NSL1: variants seen among roughly 807,000 people sequenced by gnomAD.
NSL1 encodes the protein NSL1 component of MIS12 kinetochore complex.
A neutral mutation model predicts 25.4 loss-of-function variants in NSL1; 11 were observed. That is an observed-to-expected ratio of 0.43 (90% CI 0.27 to 0.72). The LOEUF (loss-of-function observed/expected upper bound fraction) is 0.72. NSL1 is among the 30% of genes least tolerant of loss of function. NSL1 has a pLI of 0.19. For missense variants in NSL1, 330 were observed against 342.7 expected, an observed-to-expected ratio of 0.96 and a Z score of 0.29; for synonymous variants, 118 against 120.6, an observed-to-expected ratio of 0.98 and a Z score of 0.14.
chr1:212,775,927 A>G (rs1194702001), intron 4 of NSL1, among the ~76,000 whole-genome samples: 1 of 151,858 alleles, frequency 6.6e-6, no homozygotes, highest in South Asian at 2.1e-4. Context: ...TCCCAGGTTC[A>G]CGCCATTCTT....
At chr1:212,741,376 TCCC>T (rs1216044013) in intron 4 of NSL1, among the ~76,000 whole-genome samples, 1 of 152,148 alleles carries the variant, frequency 6.6e-6, no homozygotes, top group East Asian at 1.9e-4. Context: ...TGGATCTGTG[TCCC>T]CACCCAATCT....
At chr1:212,777,132 T>C in intron 4 of NSL1, among the ~76,000 whole-genome samples, 2 of 151,684 alleles carry the variant, frequency 1.3e-5, no homozygotes, top group South Asian at 4.2e-4. Flanking sequence ...CTAGCACTTT[T>C]GGAGGCCAAG....
At chr1:212,778,726 A>G (rs1245431584) in intron 4 of NSL1, among the ~76,000 whole-genome samples, 12 of 151,988 alleles carry the variant, frequency 7.9e-5, no homozygotes, top group Admixed American at 7.9e-4. Flanking sequence ...GCTGGAGTGC[A>G]GTGGCGTGAT....
intron 4 of NSL1, among the ~76,000 whole-genome samples, chr1:212,750,208 C>A (rs1400697056): frequency 6.6e-6 from 1 of 151,470 alleles, no homozygotes; most frequent in Non-Finnish European, 1.5e-5. Context: ...CATGGAGGCA[C>A]AAAGGAGGGT....
chr1:212,739,029 C>G (rs1658372054), intron 5 of NSL1, among the ~76,000 whole-genome samples: 1 of 152,156 alleles, frequency 6.6e-6, no homozygotes, highest in South Asian at 2.1e-4. Context: ...TCCCAAAGTG[C>G]TTGGATTACA....
chr1:212,781,193 A>T lies in NSL1; in HGVS notation c.499+1179T>A, dbSNP rs532652997. 1.9e-4 allele frequency among the ~76,000 whole-genome samples: 29 copies of T among 152,358 alleles called. No individual in the cohort carries two copies. In the South Asian group the frequency reaches 6.0e-3, roughly 32 times the overall value. On this transcript the variant is annotated intron_variant, in intron 4 of 5. Transcript: ENST00000366977. ...ATCATATGATACAGAAGATTCTTCCACTAATACTACATAATCAGAACAGTG... is the reference window on the plus strand; with the variant it reads ...ATCATATGATACAGAAGATTCTTCCTCTAATACTACATAATCAGAACAGTG...
intron 4 of NSL1, among the ~76,000 whole-genome samples, chr1:212,764,657 A>G: frequency 6.6e-6 from 1 of 151,770 alleles, no homozygotes; most frequent in South Asian, 2.1e-4. Context: ...ACCAGCCTGG[A>G]CAACATGGTG....
intron 1 of NSL1, among the ~76,000 whole-genome samples, chr1:212,789,717 G>A (rs1661095171): frequency 6.6e-6 from 1 of 152,110 alleles, no homozygotes; most frequent in South Asian, 2.1e-4. Context: ...GGTAGTCTAA[G>A]CCCTGTAAAC....
At chr1:212,757,872 A>G (rs899586006) in intron 4 of NSL1, among the ~76,000 whole-genome samples, 2 of 152,212 alleles carry the variant, frequency 1.3e-5, no homozygotes, top group Non-Finnish European at 2.9e-5. Context: ...ATATGGTGAC[A>G]TGGATAAGAG....
chr1:212,769,018 C>G (rs1367719981), intron 4 of NSL1, among the ~76,000 whole-genome samples: 5 of 151,558 alleles, frequency 3.3e-5, no homozygotes, highest in Admixed American at 6.6e-5. Context: ...TGCACTCCAG[C>G]CTGGGTGACA....
At chr1:212,776,722 A>C (rs71646179) in intron 4 of NSL1, among the ~76,000 whole-genome samples, 1 of 131,866 alleles carries the variant, frequency 7.6e-6, no homozygotes, top group Non-Finnish European at 1.8e-5. Flanking sequence ...ACAAAACAAA[A>C]CAACAACAAC....
chr1:212,752,660 A>T (rs1327618302), intron 4 of NSL1, among the ~76,000 whole-genome samples: 1 of 152,230 alleles, frequency 6.6e-6, no homozygotes, highest in Non-Finnish European at 1.5e-5. Context: ...ACAGCTCATC[A>T]GTAGATTGCT....
chr1:212,776,701 G>A (rs1319095442), intron 4 of NSL1, among the ~76,000 whole-genome samples: 10 of 143,698 alleles, frequency 7.0e-5, no homozygotes, highest in East Asian at 4.0e-4. Context: ...AAAGGAAAAC[G>A]GTAAAACAAA....
intron 4 of NSL1, among the ~76,000 whole-genome samples, chr1:212,744,910 G>A (rs1558041589): frequency 2.0e-5 from 3 of 152,102 alleles, no homozygotes; most frequent in South Asian, 4.2e-4. Context: ...AGGCCAAGGC[G>A]GCCGGATCAC....
chr1:212,733,261 G>T lies in NSL1; in HGVS notation c.*5147C>A, dbSNP rs1369588840. ...GAGACCAGCCACATAGCGAAACTCC[G>T]TCTCTACAAAAAATACAAAAATTAG... On this transcript the variant is annotated 3_prime_UTR_variant, in exon 6 of 6. Transcript: ENST00000366977. Among the ~76,000 whole-genome samples, 4 of 151,886 alleles carry T rather than the reference G, an allele frequency of 2.6e-5. No individual in the cohort carries two copies. The highest frequency in any genetic ancestry group is 9.7e-5 in the African/African-American group (4 of 41,352).
intron 4 of NSL1, among the ~76,000 whole-genome samples, chr1:212,776,729 C>T (rs1267384423): frequency 2.7e-5 from 4 of 148,710 alleles, no homozygotes; most frequent in Non-Finnish European, 1.5e-5. Context: ...AAAACAACAA[C>T]AACAACAACA....
At position 212,737,735 on chromosome 1, in the gene NSL1, A is replaced by G. The variant is rs1338002847; in HGVS notation, c.*673T>C. On this transcript the variant is annotated 3_prime_UTR_variant, in exon 6 of 6. Coordinates refer to ENST00000366977, the MANE Select transcript of NSL1 (RefSeq NM_015471.4). ...AATTATGTTAATGGTCTATAGAAAA[A>G]AGTGAGTGTGGGCAGGAAACATTGG... 1 of 983,432 alleles carries G rather than the reference A, an allele frequency of 1.0e-6. No homozygotes were observed. Among genetic ancestry groups the G allele is most frequent in the East Asian group, 1.1e-4 (1 of 8,820 alleles). The allele number at this position is 983,432 out of a possible 1,614,324, so 60.9% of individuals were successfully genotyped here.
Position 212,736,881 on chromosome 1 carries a change from A to G in NSL1, c.*1527T>C. ...GCACAATATACCTCTCTTAAAAGGG[A>G]GGGACCATGTTCTTATATAATCAAA... is the stretch of plus-strand genomic sequence containing the variant. On this transcript the variant is annotated 3_prime_UTR_variant, in exon 6 of 6. Transcript: ENST00000366977. 1.0e-6 allele frequency: 1 copy of G among 985,170 alleles called. No homozygotes were observed. The highest frequency in any genetic ancestry group is 1.2e-6 in the Non-Finnish European group (1 of 829,678). 61.0% of individuals were successfully genotyped at this position (985,170 alleles called of 1,614,324 possible). A position where few individuals can be genotyped will look rare whatever the true frequency, so the allele number is the denominator to read the frequency against.
chr1:212,768,636 T>C (rs1472060349), intron 4 of NSL1, among the ~76,000 whole-genome samples: 1 of 152,166 alleles, frequency 6.6e-6, no homozygotes, highest in Non-Finnish European at 1.5e-5. Context: ...AAACCAAGCA[T>C]TGTATGTTCT....
Sources: allele counts gnomAD v4.1 joint callset (sites outside exome capture counted in the v4.1 genomes callset), GRCh38; gene constraint gnomAD v4.1.1; transcripts MANE v1.5; gene names NCBI Gene and HGNC (gene_info 2026-07-23, HGNC 2026-07-21).